The following PAQR5 variants were observed in gnomAD, a reference collection of about 807,000 sequenced individuals.
PAQR5 encodes the protein membrane progestin receptor gamma.
Under a neutral mutation model 34.5 loss-of-function variants are expected in PAQR5, and 20 were observed. That is an observed-to-expected ratio of 0.58 (90% CI 0.41 to 0.84). The LOEUF is 0.84. Ranked by LOEUF, PAQR5 falls within the 40% of genes least tolerant of loss-of-function variation. The pLI is 0.00. For missense variants in PAQR5, 378 were observed against 412.7 expected (o/e 0.92, Z 0.73); for synonymous variants, 131 against 155.6 (o/e 0.84, Z 1.18).
intron 8 of PAQR5, among the ~76,000 whole-genome samples, chr15:69,401,227 A>C (rs1308911404): frequency 2.0e-5 from 3 of 152,064 alleles, no homozygotes; most frequent in Admixed American, 2.0e-4. Context: ...TCCTTAGGTG[A>C]GTACATGGGA....
rs1217561124 is a variant in PAQR5, at chr15:69,365,320, C to A, written c.51+5189C>A. On this transcript the variant is annotated intron_variant, in intron 3 of 8. Transcript: ENST00000395407. ...ATGGGGTTTCATCATGTTGGCCAGG[C>A]TGGTCTCAAACTCCTGACCTCAGGT... is the stretch of plus-strand genomic sequence containing the variant. Among the ~76,000 whole-genome samples the A allele has an allele frequency of 3.3e-5, 5 of 151,616 alleles. No homozygotes were observed. The South Asian group carries it at 1.0e-3, about 32-fold the overall frequency.
chr15:69,403,559 C>A, intron 8 of PAQR5, 22 bp from the exon 9 acceptor site: 1 of 1,611,572 alleles, frequency 6.2e-7, no homozygotes, highest in Non-Finnish European at 8.5e-7. Context: ...CTGATCTTGA[C>A]GGCCTTTTGT....
intron 2 of PAQR5, among the ~76,000 whole-genome samples, chr15:69,359,254 C>T (rs1487899224): frequency 6.6e-6 from 1 of 152,154 alleles, no homozygotes; most frequent in African/African-American, 2.4e-5. Context: ...TAGGTTTTGA[C>T]ACATGAATTT....
intron 4 of PAQR5, among the ~76,000 whole-genome samples, chr15:69,383,502 A>G (rs2055990531): frequency 9.1e-6 from 1 of 109,982 alleles, no homozygotes; most frequent in Non-Finnish European, 1.8e-5. Flanking sequence ...TTCATGGTGG[A>G]GGGTGACTGG....
rs2056743257 is a variant in PAQR5 at position 69,405,717 on chromosome 15, C to T, written c.*1895C>T. On this transcript the variant is annotated 3_prime_UTR_variant, in exon 9 of 9. Coordinates refer to ENST00000395407, the MANE Select transcript of PAQR5 (RefSeq NM_017705.4). ...ATAGGTAACAAAATAATGTTTAGCT[C>T]AGTAAGTACTGAAATAATGAGTGAC... 1 of 152,100 alleles carries T rather than the reference C, an allele frequency of 6.6e-6. No individual in the cohort carries two copies. The highest frequency in any genetic ancestry group is 2.4e-5 in the African/African-American group (1 of 41,418). The allele number at this position is 152,100 out of a possible 1,614,324, so 9.4% of individuals were successfully genotyped here.
At chr15:69,381,701 G>T (rs1321492730) in intron 4 of PAQR5, among the ~76,000 whole-genome samples, 2 of 152,174 alleles carry the variant, frequency 1.3e-5, no homozygotes, top group Admixed American at 1.3e-4. Flanking sequence ...ACTTGGGGAG[G>T]TCTGGATCAA....
At chr15:69,302,781 T>C (rs894926615) in intron 1 of PAQR5, among the ~76,000 whole-genome samples, 174 of 152,010 alleles carry the variant, frequency 1.1e-3, no homozygotes, top group Non-Finnish European at 1.9e-3. Flanking sequence ...AAACCCACCA[T>C]CCCCACCACC....
Position 69,327,156 on chromosome 15 carries a change from T to A in PAQR5, c.-276-10185T>A, listed in dbSNP as rs539598946. Among the ~76,000 whole-genome samples, 528 of 151,532 alleles carry A rather than the reference T, an allele frequency of 3.5e-3. 3 individuals are homozygous for A. The highest frequency in any genetic ancestry group is 0.012 in the African/African-American group (513 of 41,184). On this transcript the variant is annotated intron_variant, in intron 1 of 8. Coordinates refer to ENST00000395407, the MANE Select transcript of PAQR5 (RefSeq NM_017705.4). ...TGCACCACCACACTTGGCTAATTTC[T>A]TTATTATTATTATTATTATTTGTAG...
intron 4 of PAQR5, among the ~76,000 whole-genome samples, chr15:69,384,179 C>G (rs541707753): frequency 1.7e-4 from 22 of 129,068 alleles, no homozygotes; most frequent in African/African-American, 5.7e-4. Flanking sequence ...GTGAGCGGGG[C>G]CTCTGTTTTC....
At chr15:69,313,784 A>G (rs1210280121) in intron 1 of PAQR5, among the ~76,000 whole-genome samples, 2 of 151,964 alleles carry the variant, frequency 1.3e-5, no homozygotes, top group Non-Finnish European at 2.9e-5. Flanking sequence ...GTGACAGGTG[A>G]GCAGGTGAGC....
At chr15:69,324,901 T>TA (rs1205464207) in intron 1 of PAQR5, among the ~76,000 whole-genome samples, 1 of 149,102 alleles carries the variant, frequency 6.7e-6, no homozygotes, top group African/African-American at 2.4e-5. Flanking sequence ...TTCATTTCTT[T>TA]TTTTTTTTTT....
At chr15:69,401,458 G>C (rs1434233098) in intron 8 of PAQR5, among the ~76,000 whole-genome samples, 3 of 152,186 alleles carry the variant, frequency 2.0e-5, no homozygotes, top group Non-Finnish European at 4.4e-5. Context: ...AGGAAAAGGA[G>C]AGGCCAGGGA....
At chr15:69,330,946 G>A (rs2054365492) in intron 1 of PAQR5, among the ~76,000 whole-genome samples, 1 of 152,084 alleles carries the variant, frequency 6.6e-6, no homozygotes, top group Non-Finnish European at 1.5e-5. Context: ...CTCCAGTGAT[G>A]GATCCAGAAG....
intron 1 of PAQR5, among the ~76,000 whole-genome samples, chr15:69,319,191 A>ATATT (rs1566995865): frequency 3.4e-4 from 11 of 32,020 alleles, no homozygotes; most frequent in African/African-American, 5.4e-4. Flanking sequence ...ATATATATAT[A>ATATT]TATATATATA....
At chr15:69,334,766 T>G (rs1186000742) in intron 1 of PAQR5, among the ~76,000 whole-genome samples, 1 of 100,968 alleles carries the variant, frequency 9.9e-6, no homozygotes, top group Non-Finnish European at 2.5e-5. Flanking sequence ...GAATATGGCT[T>G]TTGTTAAAGG....
At chr15:69,329,144 C>G (rs1385783206) in intron 1 of PAQR5, among the ~76,000 whole-genome samples, 1 of 152,244 alleles carries the variant, frequency 6.6e-6, no homozygotes, top group Non-Finnish European at 1.5e-5. Context: ...CCTTTCCTGG[C>G]TCACAGATGC....
At chr15:69,325,392 G>A (rs1395745921) in intron 1 of PAQR5, among the ~76,000 whole-genome samples, 1 of 152,114 alleles carries the variant, frequency 6.6e-6, no homozygotes, top group Non-Finnish European at 1.5e-5. Context: ...ACCCACCTGG[G>A]CCTGCAGCCA....
intron 2 of PAQR5, among the ~76,000 whole-genome samples, chr15:69,340,396 T>G (rs2054613128): frequency 6.6e-6 from 1 of 152,238 alleles, no homozygotes; most frequent in East Asian, 1.9e-4. Flanking sequence ...CATGACTCAC[T>G]AAATAGATTT....
In PAQR5 at chr15:69,311,038, C is replaced by CAAAAAAAAAA. The variant is rs760679672; in HGVS notation, c.-277+11988_-277+11989insAAAAAAAAAA. Among the ~76,000 whole-genome samples, 23 of 36,150 alleles carry CAAAAAAAAAA rather than the reference C, an allele frequency of 6.4e-4. 1 individual carries two copies. Among genetic ancestry groups the CAAAAAAAAAA allele is most frequent in the African/African-American group, 1.0e-3 (13 of 12,480 alleles). 23.7% of individuals were successfully genotyped at this position (36,150 alleles called of 152,430 possible). On this transcript the variant is annotated intron_variant, in intron 1 of 8. Transcript: ENST00000395407. ...TGGGCAACAGAGCAAGACTCCGTCG[C>CAAAAAAAAAA]AAAAAATAAAAAAAAAAAAAAAAAA...
Sources: allele counts gnomAD v4.1 joint callset (sites outside exome capture counted in the v4.1 genomes callset), GRCh38; gene constraint gnomAD v4.1.1; transcripts MANE v1.5; gene names NCBI Gene and HGNC (gene_info 2026-07-23, HGNC 2026-07-21).